The following ZCCHC2 variants were observed in gnomAD, a reference collection of about 807,000 sequenced individuals.
The protein encoded by ZCCHC2 is zinc finger CCHC domain-containing protein 2.
In ZCCHC2, 39 loss-of-function variants were observed where a neutral mutation model predicts 103.6. That is an observed-to-expected ratio of 0.38 (90% CI 0.29 to 0.49). The LOEUF is 0.49. ZCCHC2 is among the 20% of genes least tolerant of loss of function. The probability of loss-of-function intolerance (pLI) is 0.96; values close to 1 mark genes in which losing one functional copy is unlikely to be tolerated. For synonymous variants in ZCCHC2, 687 were observed against 608.9 expected (o/e 1.13, Z -1.89); for missense variants, 1,483 against 1,491.0 (o/e 0.99, Z 0.09).
Position 62,558,219 on chromosome 18 carries a change from A to G in ZCCHC2, c.1409-468A>G, listed in dbSNP as rs574869127. Among the ~76,000 whole-genome samples the G allele has an allele frequency of 2.6e-5, 4 of 152,296 alleles. No homozygotes were observed. The East Asian group carries it at 7.7e-4, about 29-fold the overall frequency. On this transcript the variant is annotated intron_variant, in intron 6 of 13. Coordinates refer to ENST00000269499, the MANE Select transcript of ZCCHC2 (RefSeq NM_017742.6). ...GTTGCATGGGCCAGTGCTGGTCCAT[A>G]AATTGCTTGTTACTGTTCTGTAACA...
Position 62,578,472 on chromosome 18 carries a change from G to A in ZCCHC2, c.*1893G>A, listed in dbSNP as rs1916948110. On this transcript the variant is annotated 3_prime_UTR_variant, in exon 14 of 14. Transcript: ENST00000269499. Reference sequence around the variant, plus strand: ...TATTTGTATGTTTACCATATACTTTGATATTTGAAATGTTATGTACTGGAA... The same window carrying A: ...TATTTGTATGTTTACCATATACTTTAATATTTGAAATGTTATGTACTGGAA... The A allele has an allele frequency of 6.6e-6, 1 of 152,470 alleles. No individual in the cohort carries two copies. Among genetic ancestry groups the A allele is most frequent in the Admixed American group, 6.6e-5 (1 of 15,256 alleles). The allele number at this position is 152,470 out of a possible 1,614,324, so 9.4% of individuals were successfully genotyped here.
chr18:62,558,979 G>A (rs775223018), intron 7 of ZCCHC2, among the ~76,000 whole-genome samples: 2 of 152,164 alleles, frequency 1.3e-5, no homozygotes, highest in Non-Finnish European at 1.5e-5. Flanking sequence ...AGAATAGACC[G>A]TTCAATAAAT....
In ZCCHC2 at chr18:62,528,982, A is replaced by C. The variant is rs569057246; in HGVS notation, c.939+4619A>C. 3.8e-3 allele frequency among the ~76,000 whole-genome samples: 577 copies of C among 152,222 alleles called. 2 individuals carry two copies. Among genetic ancestry groups the C allele is most frequent in the Non-Finnish European group, 5.6e-3 (380 of 68,000 alleles). On this transcript the variant is annotated intron_variant, in intron 1 of 13. Coordinates refer to ENST00000269499, the MANE Select transcript of ZCCHC2 (RefSeq NM_017742.6). ...AGAGACCAGCCTGACCAACGAGGTG[A>C]AACCCTATCTCTACTAAAAATATAA... is the stretch of plus-strand genomic sequence containing the variant.
At chr18:62,537,750 A>G (rs1212447255) in intron 1 of ZCCHC2, among the ~76,000 whole-genome samples, 1 of 152,194 alleles carries the variant, frequency 6.6e-6, no homozygotes, top group African/African-American at 2.4e-5. Context: ...TGATGTACAG[A>G]TTATGTTTGC....
chr18:62,583,914 GC>G (rs1210242466), intron 14 of ZCCHC2, among the ~76,000 whole-genome samples: 5 of 152,076 alleles, frequency 3.3e-5, no homozygotes, highest in African/African-American at 9.7e-5. Flanking sequence ...GAGTGCCCTC[GC>G]CCCTTCAGAT....
chr18:62,540,209 C>A (rs1247946207), intron 2 of ZCCHC2, among the ~76,000 whole-genome samples: 1 of 152,144 alleles, frequency 6.6e-6, no homozygotes, highest in Non-Finnish European at 1.5e-5. Flanking sequence ...TGCAATAATG[C>A]AGTTTTTAAG....
chr18:62,542,629 G>A (rs1313362316), intron 3 of ZCCHC2, 55 bp downstream of exon 3: 7 of 1,461,498 alleles, frequency 4.8e-6, no homozygotes, highest in Admixed American at 2.2e-5. Flanking sequence ...ATGATCTTTG[G>A]GAAAACTTGT....
Position 62,575,471 on chromosome 18 carries a change from T to C in ZCCHC2, c.3390T>C (p.Asn1130=), listed in dbSNP as rs1410593057. ...TSGSGPKKNG[N]VSCYNCGVSG... ...GTTCGGGGCCCAAGAAGAATGGGAA[T>C]GTCTCATGTTACAATTGTGGTGTAA... Residue 1130 remains asparagine (N), a synonymous_variant, in exon 13 of 14, where the codon AAT becomes AAC. Coordinates refer to ENST00000269499, the MANE Select transcript of ZCCHC2 (RefSeq NM_017742.6). 6.2e-7 allele frequency: 1 copy of C among 1,614,036 alleles called. No individual in the cohort carries two copies. The highest frequency in any genetic ancestry group is 8.5e-7 in the Non-Finnish European group (1 of 1,179,906).
intron 2 of ZCCHC2, 139 bp from the exon 3 acceptor site, chr18:62,542,359 A>G (rs570229508): frequency 6.3e-4 from 365 of 583,896 alleles, no homozygotes; most frequent in Non-Finnish European, 5.6e-4. Flanking sequence ...TTTTTATTTC[A>G]TGATTTAAGA....
At chr18:62,542,237 A>G (rs951452839) in intron 2 of ZCCHC2, among the ~76,000 whole-genome samples, 4 of 152,204 alleles carry the variant, frequency 2.6e-5, no homozygotes, top group African/African-American at 7.2e-5. Flanking sequence ...TTTGGTGTTA[A>G]TAGAGTGTTT....
chr18:62,544,941 A>G, intron 4 of ZCCHC2, 68 bp downstream of exon 4: 1 of 1,239,062 alleles, frequency 8.1e-7, no homozygotes, highest in Non-Finnish European at 1.1e-6. Context: ...CCTCAACGTC[A>G]AAAAAACACC....
intron 1 of ZCCHC2, among the ~76,000 whole-genome samples, chr18:62,531,754 T>C (rs1016470864): frequency 1.1e-4 from 16 of 144,640 alleles, no homozygotes; most frequent in East Asian, 4.1e-4. Context: ...TGAAGCCAAC[T>C]CTGACAACTT....
chr18:62,574,593 A>C lies in ZCCHC2; in HGVS notation c.2512A>C (p.Ser838Arg). 6.2e-7 allele frequency: 1 copy of C among 1,613,992 alleles called. No homozygotes were observed. Among genetic ancestry groups the C allele is most frequent in the Non-Finnish European group, 8.5e-7 (1 of 1,179,890 alleles). Reference protein sequence around the residue: ...TVNIPQQPPGSLSIASPNTAF... With the variant: ...TVNIPQQPPGRLSIASPNTAF... Reference sequence around the variant, plus strand: ...TAACATCCCACAACAACCACCCGGAAGCCTGAGCATCGCATCACCAAACAC... The same window carrying C: ...TAACATCCCACAACAACCACCCGGACGCCTGAGCATCGCATCACCAAACAC... Residue 838 changes from serine to arginine, a missense_variant, in exon 13 of 14, where the codon AGC becomes CGC. Around this residue, in one of 3 missense-constraint regions of ZCCHC2, gnomAD observed 884 missense variants for 907.5 expected, o/e 0.97. Transcript: ENST00000269499.
At position 62,532,563 on chromosome 18, in the gene ZCCHC2, T is replaced by A. The variant is rs987666659; in HGVS notation, c.940-7118T>A. 2.0e-5 allele frequency among the ~76,000 whole-genome samples: 3 copies of A among 152,230 alleles called. No individual in the cohort carries two copies. The East Asian group carries it at 5.8e-4, about 29-fold the overall frequency. On this transcript the variant is annotated intron_variant, in intron 1 of 13. Coordinates refer to ENST00000269499, the MANE Select transcript of ZCCHC2 (RefSeq NM_017742.6). ...CTCAAAATCTCCTCCTCCACTCTTT[T>A]TTCATATATCCCCCCTTTCATTCTA...
chr18:62,547,810 C>T (rs766219622), intron 4 of ZCCHC2, among the ~76,000 whole-genome samples: 63 of 152,256 alleles, frequency 4.1e-4, no homozygotes, highest in Non-Finnish European at 4.1e-4. Context: ...AATCCACCCA[C>T]CTTGGCCAAA....
chr18:62,537,532 T>C (rs528772910), intron 1 of ZCCHC2, among the ~76,000 whole-genome samples: 1 of 152,340 alleles, frequency 6.6e-6, no homozygotes, highest in South Asian at 2.1e-4. Flanking sequence ...GGAATCATGC[T>C]GTATTTGTTC....
chr18:62,570,135 A>G lies in ZCCHC2; in HGVS notation c.1879A>G (p.Thr627Ala), dbSNP rs779702857. 5.0e-6 allele frequency: 8 copies of G among 1,612,802 alleles called. No individual in the cohort carries two copies. The highest frequency in any genetic ancestry group is 6.8e-6 in the Non-Finnish European group (8 of 1,179,326). Reference sequence around the variant, plus strand: ...TTTGGACATTGGCTCTGGACATGACACATGTGGAGAAACATCTTCAGAGAG... The same window carrying G: ...TTTGGACATTGGCTCTGGACATGACGCATGTGGAGAAACATCTTCAGAGAG... The part of the protein sequence containing the change: ...VNLDIGSGHD[T>A]CGETSSESYS... The change falls in exon 12 of 14, where the codon ACA (threonine) becomes GCA (alanine). Residue 627 changes from threonine to alanine, a missense_variant. Around this residue, in one of 3 missense-constraint regions of ZCCHC2, gnomAD observed 884 missense variants for 907.5 expected, o/e 0.97. Coordinates refer to ENST00000269499, the MANE Select transcript of ZCCHC2 (RefSeq NM_017742.6).
chr18:62,524,367 A>G lies in ZCCHC2; in HGVS notation c.939+4A>G, dbSNP rs910163836. 9.8e-5 allele frequency: 147 copies of G among 1,502,896 alleles called. No homozygotes were observed. Among genetic ancestry groups the G allele is most frequent in the Non-Finnish European group, 1.2e-4 (136 of 1,129,360 alleles). 93.1% of individuals were successfully genotyped at this position (1,502,896 alleles called of 1,614,324 possible). A position where few individuals can be genotyped will look rare whatever the true frequency, so the allele number is the denominator to read the frequency against. ...GTTTGCCGGCCCCAGGGCCCAGGTA[A>G]GGCGCACGGAGCCTCCCTGGACTCG... On this transcript the variant is annotated splice_donor_region_variant and intron_variant, in intron 1 of 13. Coordinates refer to ENST00000269499, the MANE Select transcript of ZCCHC2 (RefSeq NM_017742.6).
chr18:62,579,180 C>T (rs924170722), downstream of ZCCHC2, among the ~76,000 whole-genome samples: 3 of 152,204 alleles, frequency 2.0e-5, no homozygotes, highest in African/African-American at 7.2e-5. Context: ...AGCAATGAGG[C>T]AGAGTCCTTG....
Sources: allele counts gnomAD v4.1 joint callset (sites outside exome capture counted in the v4.1 genomes callset), GRCh38; gene constraint gnomAD v4.1.1; regional missense constraint gnomAD v4.1.1; transcripts MANE v1.5; gene names NCBI Gene and HGNC (gene_info 2026-07-23, HGNC 2026-07-21).